The following CALD1 variants were observed in gnomAD, a reference collection of about 807,000 sequenced individuals.
CALD1 encodes caldesmon 1.
CALD1 carries 33 observed loss-of-function variants against 99.9 expected under a neutral mutation model. That is an observed-to-expected ratio of 0.33 (90% CI 0.25 to 0.44). The LOEUF is 0.44. Ranked by LOEUF, CALD1 falls within the 20% of genes least tolerant of loss-of-function variation. The probability of loss-of-function intolerance (pLI) is 1.00; values close to 1 mark genes in which losing one functional copy is unlikely to be tolerated. For synonymous variants in CALD1, 310 were observed against 325.0 expected (o/e 0.95, Z 0.50); for missense variants, 861 against 962.1 (o/e 0.89, Z 1.39).
the CALD1 span, among the ~76,000 whole-genome samples, chr7:134,726,932 T>G: frequency 3.3e-5 from 5 of 152,184 alleles, no homozygotes; most frequent in African/African-American, 1.2e-4. Flanking sequence ...CCTCAGCCAC[T>G]GTTGTCACTA....
chr7:134,726,967 T>G, the CALD1 span, among the ~76,000 whole-genome samples: 1 of 152,336 alleles, frequency 6.6e-6, no homozygotes, highest in South Asian at 2.1e-4. Context: ...TTGGCAGTAC[T>G]GCCGCCAACC....
At chr7:134,870,173 C>A (rs1164903938) in intron 3 of CALD1, among the ~76,000 whole-genome samples, 1 of 152,168 alleles carries the variant, frequency 6.6e-6, no homozygotes, top group Non-Finnish European at 1.5e-5. Context: ...TACCTCACAG[C>A]ATGCTAGGAA....
chr7:134,960,147 G>A lies in CALD1; in HGVS notation c.2199+36G>A, dbSNP rs527525451. 9.3e-6 allele frequency: 15 copies of A among 1,607,810 alleles called. No homozygotes were observed. In the South Asian group the frequency reaches 1.5e-4, roughly 16 times the overall value. On this transcript the variant is annotated intron_variant, in intron 12 of 14. Transcript: ENST00000361675. ...GATTTTTGTCTCTTAAGTGTAGAGG[G>A]GCATATTTTTTTGCATGTCGATTTT...
intron 4 of CALD1, among the ~76,000 whole-genome samples, chr7:134,932,494 C>G (rs555755458): frequency 6.6e-6 from 1 of 152,212 alleles, no homozygotes; most frequent in Non-Finnish European, 1.5e-5. Context: ...GACTGCAAGT[C>G]GTTTATTTGT....
At chr7:134,768,891 T>C (rs1196742552) in intron 1 of CALD1, among the ~76,000 whole-genome samples, 1 of 152,124 alleles carries the variant, frequency 6.6e-6, no homozygotes, top group African/African-American at 2.4e-5. Context: ...GATGTGGTTC[T>C]AGTCCATTCT....
rs190237743 is a variant in CALD1, at chr7:134,757,119, C to T, written c.-130+12756C>T. Among the ~76,000 whole-genome samples, 31 of 146,168 alleles carry T rather than the reference C, an allele frequency of 2.1e-4. No individual in the cohort carries two copies. In the East Asian group the frequency reaches 6.3e-3, roughly 30 times the overall value. ...TTTTTTCTTGGGCTTTTTTTTTAAG[C>T]CTGAGACACTTAGTTGTTTAGTTAT... On this transcript the variant is annotated intron_variant, in intron 1 of 13. Transcript: ENST00000417172.
At chr7:134,864,199 T>C (rs1371651498) in intron 2 of CALD1, among the ~76,000 whole-genome samples, 1 of 151,864 alleles carries the variant, frequency 6.6e-6, no homozygotes, top group East Asian at 1.9e-4. Context: ...AAATAAAAAT[T>C]AGCCGGGTGT....
chr7:134,793,969 C>T (rs1797646728), intron 1 of CALD1, among the ~76,000 whole-genome samples: 1 of 152,182 alleles, frequency 6.6e-6, no homozygotes, highest in Non-Finnish European at 1.5e-5. Flanking sequence ...CTCACCACTT[C>T]AATTCTTCTT....
chr7:134,912,016 C>T (rs527629744), intron 3 of CALD1, among the ~76,000 whole-genome samples: 6 of 151,718 alleles, frequency 4.0e-5, no homozygotes, highest in East Asian at 1.9e-4. Context: ...GACAGATAAG[C>T]GGGGTCTCGG....
Position 134,933,318 on chromosome 7 carries a change from C to T in CALD1, c.549C>T (p.Asn183=), listed in dbSNP as rs376808263. ...ATGATTGGAGGGATGCTGAAGAAAA[C>T]AAGAAAGAAGACAAGGAAAAGGAGG... The part of the protein sequence containing the change: ...QKNDWRDAEE[N]KKEDKEKEEE... The change falls in exon 5 of 15, where the codon AAC becomes AAT. Residue 183 remains asparagine (N), a synonymous_variant. Coordinates refer to ENST00000361675, the MANE Select transcript of CALD1 (RefSeq NM_033138.4). 6.3e-6 allele frequency: 10 copies of T among 1,599,876 alleles called. No homozygotes were observed. Among genetic ancestry groups the T allele is most frequent in the Non-Finnish European group, 8.5e-6 (10 of 1,174,206 alleles).
chr7:134,897,648 C>T (rs1586237636), intron 3 of CALD1, among the ~76,000 whole-genome samples: 1 of 151,926 alleles, frequency 6.6e-6, no homozygotes, highest in East Asian at 1.9e-4. Flanking sequence ...ACCCAGGCTG[C>T]CAGCTACAAG....
intron 1 of CALD1, among the ~76,000 whole-genome samples, chr7:134,788,981 C>T (rs948106648): frequency 2.0e-5 from 3 of 148,420 alleles, no homozygotes; most frequent in Non-Finnish European, 4.4e-5. Context: ...TACCACTGCA[C>T]TCCACCCTGG....
At chr7:134,862,231 T>C (rs1022830479) in intron 2 of CALD1, among the ~76,000 whole-genome samples, 13 of 152,194 alleles carry the variant, frequency 8.5e-5, no homozygotes, top group Admixed American at 2.6e-4. Context: ...TCTTGTTTGT[T>C]CCCTGAAATG....
intron 1 of CALD1, among the ~76,000 whole-genome samples, chr7:134,840,305 G>T (rs1285184297): frequency 1.3e-5 from 2 of 152,038 alleles, no homozygotes; most frequent in Non-Finnish European, 2.9e-5. Context: ...CTACAGACAG[G>T]GGTTGTCTTA....
upstream of CALD1, among the ~76,000 whole-genome samples, chr7:134,739,738 A>G (rs535194951): frequency 6.6e-6 from 1 of 152,156 alleles, no homozygotes; most frequent in South Asian, 2.1e-4. Flanking sequence ...AATCAGGATC[A>G]CTTCATGTGA....
In CALD1 at chr7:134,756,122, C is replaced by T. The variant is rs1311388970; in HGVS notation, c.-130+11759C>T. Reference sequence around the variant, plus strand: ...GCCAGACTCGTCTTGAACTCCTGACCTCAGGTGATCCACCCGCCACGGCCT... The same window carrying T: ...GCCAGACTCGTCTTGAACTCCTGACTTCAGGTGATCCACCCGCCACGGCCT... On this transcript the variant is annotated intron_variant, in intron 1 of 13. Coordinates refer to the CALD1 transcript ENST00000417172. Among the ~76,000 whole-genome samples, 3 of 151,702 alleles carry T rather than the reference C, an allele frequency of 2.0e-5. No homozygotes were observed. The East Asian group carries it at 5.8e-4, about 29-fold the overall frequency.
chr7:134,754,162 AGT>A (rs572517545), intron 1 of CALD1, among the ~76,000 whole-genome samples: 104 of 152,292 alleles, frequency 6.8e-4, no homozygotes, highest in African/African-American at 1.9e-3. Flanking sequence ...GTCACAACAG[AGT>A]GAGAGAGAGA....
upstream of CALD1, among the ~76,000 whole-genome samples, chr7:134,742,479 T>A (rs114254405): frequency 0.01 from 1,560 of 152,292 alleles, 25 homozygotes; most frequent in African/African-American, 0.035. Flanking sequence ...TGTCTTGGAA[T>A]GTGCTCGAAG....
At chr7:134,764,701 G>A (rs962125763) in intron 1 of CALD1, among the ~76,000 whole-genome samples, 5 of 152,178 alleles carry the variant, frequency 3.3e-5, no homozygotes, top group Non-Finnish European at 7.3e-5. Flanking sequence ...TGGATTGTAA[G>A]TTGTCCGAGA....
Sources: gnomAD v4.1 joint callset for allele counts (sites outside exome capture counted in the v4.1 genomes callset) on GRCh38, gnomAD v4.1.1 for gene constraint, MANE v1.5 for transcripts, NCBI Gene and HGNC (gene_info 2026-07-23, HGNC 2026-07-21) for gene names.